The following SREBF2 variants were observed in gnomAD, a reference collection of about 807,000 sequenced individuals.
The protein encoded by SREBF2 is sterol regulatory element binding transcription factor 2, also known as sterol regulatory element-binding protein 2.
SREBF2 carries 55 observed loss-of-function variants against 113.1 expected under a neutral mutation model. That is an observed-to-expected ratio of 0.49 (90% confidence interval 0.39 to 0.61). The LOEUF (loss-of-function observed/expected upper bound fraction) is 0.61. SREBF2 is among the 20% of genes least tolerant of loss of function. The probability of loss-of-function intolerance (pLI) is 0.00; values close to 1 mark genes in which losing one functional copy is unlikely to be tolerated. For synonymous variants in SREBF2, 593 were observed against 605.7 expected (o/e 0.98, Z 0.31); for missense variants, 1,349 against 1,487.4 (o/e 0.91, Z 1.53).
intron 1 of SREBF2, among the ~76,000 whole-genome samples, chr22:41,839,300 A>G (rs532770941): frequency 2.3e-4 from 35 of 152,316 alleles, no homozygotes; most frequent in African/African-American, 7.9e-4. Flanking sequence ...TGAGATGTAG[A>G]TACTTAGGAG....
At chr22:41,883,038 T>C (rs1045937154) in intron 10 of SREBF2, among the ~76,000 whole-genome samples, 1 of 151,810 alleles carries the variant, frequency 6.6e-6, no homozygotes, top group Admixed American at 6.6e-5. Flanking sequence ...GCCTGGGAGG[T>C]AGATCGAGGC....
At chr22:41,876,557 G>A (rs2077199516) in intron 7 of SREBF2, among the ~76,000 whole-genome samples, 1 of 152,176 alleles carries the variant, frequency 6.6e-6, no homozygotes, top group African/African-American at 2.4e-5. Flanking sequence ...GGGGCGCAGG[G>A]GAGATCTGGC....
At chr22:41,905,288 A>C in intron 18 of SREBF2, 152 bp from the exon 19 acceptor site, 1 of 812,440 alleles carries the variant, frequency 1.2e-6, no homozygotes, top group Non-Finnish European at 2.0e-6. Flanking sequence ...GAGGCTGGAC[A>C]AGTTCACTTC....
intron 1 of SREBF2, among the ~76,000 whole-genome samples, chr22:41,856,284 G>C (rs1485304866): frequency 2.0e-5 from 3 of 151,916 alleles, no homozygotes; most frequent in Admixed American, 6.6e-5. Context: ...GTGCCACCAT[G>C]CCCCCTGCTA....
intron 3 of SREBF2, among the ~76,000 whole-genome samples, chr22:41,869,957 G>A (rs919467250): frequency 6.6e-6 from 1 of 151,614 alleles, no homozygotes; most frequent in Non-Finnish European, 1.5e-5. Context: ...CTGGGTTCAA[G>A]CAATTCTCCT....
Position 41,891,902 on chromosome 22 carries a change from C to T in SREBF2, c.2209-1215C>T, listed in dbSNP as rs115957358. ...ACTCAAAAAGTGACAGAACTGAAAA[C>T]GTGGTAGATGGTATTGTCCCTGCAG... On this transcript the variant is annotated intron_variant, in intron 11 of 18. Coordinates refer to ENST00000361204, the MANE Select transcript of SREBF2 (RefSeq NM_004599.4). 3.3e-3 allele frequency among the ~76,000 whole-genome samples: 499 copies of T among 152,264 alleles called. 6 individuals are homozygous for T. The highest frequency in any genetic ancestry group is 0.011 in the African/African-American group (470 of 41,548).
intron 14 of SREBF2, 93 bp from the exon 15 acceptor site, chr22:41,898,556 C>T: frequency 3.2e-6 from 5 of 1,549,620 alleles, no homozygotes; most frequent in Non-Finnish European, 4.4e-6. Flanking sequence ...AAAGATGTTA[C>T]CCATCTCCTA....
rs990135550 is a variant in SREBF2, at chr22:41,897,241, C to T, written c.2605+80C>T. 5.5e-5 allele frequency: 49 copies of T among 896,814 alleles called. No homozygotes were observed. The African/African-American group carries it at 7.3e-4, about 13-fold the overall frequency. The allele number at this position is 896,814 out of a possible 1,614,324, so 55.6% of individuals were successfully genotyped here. A position where few individuals can be genotyped will look rare whatever the true frequency, so the allele number is the denominator to read the frequency against. ...GTGCTTTTGCCCCAGGGGTCCAGGG[C>T]GTTAGGAGTGTAGATGCCAGCATCT... is the stretch of plus-strand genomic sequence containing the variant. On this transcript the variant is annotated intron_variant, in intron 14 of 18. Transcript: ENST00000361204.
chr22:41,844,732 C>T (rs915441672), intron 1 of SREBF2, among the ~76,000 whole-genome samples: 1 of 152,122 alleles, frequency 6.6e-6, no homozygotes, highest in African/African-American at 2.4e-5. Flanking sequence ...GATGAAATTT[C>T]GAGCTGCTGA....
chr22:41,904,789 T>C (rs928854163), intron 17 of SREBF2, 74 bp from the exon 18 acceptor site: 17 of 1,233,412 alleles, frequency 1.4e-5, no homozygotes, highest in Non-Finnish European at 2.0e-5. Context: ...GCGAGATGGC[T>C]CAGGGAGAGC....
chr22:41,903,039 G>T lies in SREBF2; in HGVS notation c.2977G>T (p.Ala993Ser). 1 of 1,608,278 alleles carries T rather than the reference G, an allele frequency of 6.2e-7. No homozygotes were observed. Among genetic ancestry groups the T allele is most frequent in the African/African-American group, 1.3e-5 (1 of 74,934 alleles). ...RTALWQKQAS[A>S]SQAVGETYHA... ...AGCGCTCTGGCAAAAACAGGCCAGTGCCAGCCAGGCTGTGGGGGAGACCTA... is the reference window on the plus strand; with the variant it reads ...AGCGCTCTGGCAAAAACAGGCCAGTTCCAGCCAGGCTGTGGGGGAGACCTA... Residue 993 changes from alanine (A) to serine (S), a missense_variant, in exon 17 of 19, where the codon GCC becomes TCC. Ala to Ser is a moderately conservative substitution (Grantham distance 99, BLOSUM62 1). Transcript: ENST00000361204.
chr22:41,861,284 C>G (rs912001010), intron 1 of SREBF2, among the ~76,000 whole-genome samples: 2 of 151,772 alleles, frequency 1.3e-5, no homozygotes, highest in African/African-American at 4.8e-5. Flanking sequence ...CAGTTCGAGA[C>G]GAGCCTGTCC....
Position 41,880,856 on chromosome 22 carries a change from GCGCTGGCTGCTCAAGAAAGTCTT to G in SREBF2, c.1904_1926del (p.Arg635ProfsTer10), listed in dbSNP as rs1462579188. 1 of 1,614,010 alleles carries G rather than the reference GCGCTGGCTGCTCAAGAAAGTCTT, an allele frequency of 6.2e-7. No individual in the cohort carries two copies. Among genetic ancestry groups the G allele is most frequent in the Non-Finnish European group, 8.5e-7 (1 of 1,180,020 alleles). On this transcript the variant is annotated frameshift_variant, in exon 10 of 19. Coordinates refer to ENST00000361204, the MANE Select transcript of SREBF2 (RefSeq NM_004599.4). LOFTEE classifies it high-confidence loss of function. ...ACAGCCTGCAGAAGCTACGCCTGGT[GCGCTGGCTGCTCAAGAAAGTCTT>G]CCAGTGCCGGCGGGCCACGCCAGCC... is the stretch of plus-strand genomic sequence containing the variant.
At chr22:41,878,930 G>T (rs1221841573) in intron 9 of SREBF2, among the ~76,000 whole-genome samples, 2 of 152,222 alleles carry the variant, frequency 1.3e-5, no homozygotes, top group African/African-American at 4.8e-5. Flanking sequence ...ATATCCTAGA[G>T]GCAGGTTCAG....
chr22:41,877,443 C>T, intron 8 of SREBF2, 22 bp downstream of exon 8: 3 of 1,612,920 alleles, frequency 1.9e-6, no homozygotes, highest in Non-Finnish European at 2.5e-6. Context: ...CCCCTTGCCC[C>T]ACCTGGGCAT....
intron 1 of SREBF2, among the ~76,000 whole-genome samples, chr22:41,859,136 A>G (rs936856685): frequency 6.6e-6 from 1 of 152,194 alleles, no homozygotes; most frequent in Non-Finnish European, 1.5e-5. Context: ...AAAAAAAAAA[A>G]AAGTGGGGGG....
chr22:41,837,024 C>T (rs990478063), intron 1 of SREBF2, among the ~76,000 whole-genome samples: 6 of 152,062 alleles, frequency 3.9e-5, no homozygotes, highest in African/African-American at 7.2e-5. Flanking sequence ...ATAACTTGAG[C>T]GCGACAGATC....
At chr22:41,905,108 G>GA in intron 18 of SREBF2, 134 bp downstream of exon 18, 3 of 907,780 alleles carry the variant, frequency 3.3e-6, no homozygotes, top group Non-Finnish European at 5.0e-6. Flanking sequence ...GAGAATGAAA[G>GA]AAGCCCGAGG....
chr22:41,842,951 C>A (rs928649900), intron 1 of SREBF2, among the ~76,000 whole-genome samples: 4 of 151,082 alleles, frequency 2.6e-5, no homozygotes, highest in African/African-American at 7.3e-5. Context: ...AATCGCACCA[C>A]TGTATTCTAG....
Sources: gnomAD v4.1 joint callset for allele counts (sites outside exome capture counted in the v4.1 genomes callset) on GRCh38, gnomAD v4.1.1 for gene constraint, MANE v1.5 for transcripts, NCBI Gene and HGNC (gene_info 2026-07-23, HGNC 2026-07-21) for gene names.